The following ACTN2 variants were observed in gnomAD, a reference collection of about 807,000 sequenced individuals.
ACTN2 encodes the protein alpha-actinin-2.
Under a neutral mutation model 113.8 loss-of-function variants are expected in ACTN2, and 39 were observed. That is an observed-to-expected ratio of 0.34 (90% CI 0.27 to 0.45). ACTN2 has a LOEUF of 0.45. ACTN2 is among the 20% of genes least tolerant of loss of function. ACTN2 has a pLI of 1.00. For missense variants in ACTN2, 992 were observed against 1,177.9 expected (o/e 0.84, Z 2.31); for synonymous variants, 429 against 444.1 (o/e 0.97, Z 0.43).
At chr1:236,706,356 C>T (rs1657824481) in intron 1 of ACTN2, among the ~76,000 whole-genome samples, 1 of 152,140 alleles carries the variant, frequency 6.6e-6, no homozygotes, top group South Asian at 2.1e-4. Context: ...GTTCTGGGCA[C>T]TGTCCAGAGC....
At chr1:236,708,587 C>T (rs761300237) in intron 1 of ACTN2, among the ~76,000 whole-genome samples, 37 of 152,116 alleles carry the variant, frequency 2.4e-4, no homozygotes, top group Admixed American at 1.6e-3. Context: ...TTTTTCAAGA[C>T]GGTTGAGTGT....
At chr1:236,709,255 T>TATATATATATACACAC (rs796606511) in intron 1 of ACTN2, among the ~76,000 whole-genome samples, 74 of 68,884 alleles carry the variant, frequency 1.1e-3, no homozygotes, top group African/African-American at 1.3e-3. Context: ...TATATATATA[T>TATATATATATACACAC]ACACACACAC....
chr1:236,709,906 G>T (rs2102881645), intron 1 of ACTN2, among the ~76,000 whole-genome samples: 1 of 152,200 alleles, frequency 6.6e-6, no homozygotes, highest in South Asian at 2.1e-4. Context: ...TATTATTAAA[G>T]AAAAAGCTAG....
intron 1 of ACTN2, among the ~76,000 whole-genome samples, chr1:236,701,993 C>A (rs1657691778): frequency 6.6e-6 from 1 of 152,132 alleles, no homozygotes; most frequent in African/African-American, 2.4e-5. Context: ...AGTTCTATTG[C>A]TGTAACTGGT....
intron 1 of ACTN2, among the ~76,000 whole-genome samples, chr1:236,704,279 T>C (rs1027496169): frequency 3.3e-5 from 5 of 152,226 alleles, no homozygotes; most frequent in African/African-American, 1.2e-4. Flanking sequence ...GTGTTTTCTC[T>C]TCTCACACCA....
chr1:236,692,984 A>C (rs1215290899), intron 1 of ACTN2, among the ~76,000 whole-genome samples: 1 of 152,188 alleles, frequency 6.6e-6, no homozygotes, highest in Non-Finnish European at 1.5e-5. Context: ...GTTGGAGGAC[A>C]GTCAGAATCC....
At chr1:236,753,846 T>TCCCCCC in intron 15 of ACTN2, 101 bp from the exon 16 acceptor site, 1 of 1,303,056 alleles carries the variant, frequency 7.7e-7, no homozygotes, top group South Asian at 1.2e-5. Flanking sequence ...TTTCTCCTTC[T>TCCCCCC]CCACTCCCAC....
chr1:236,749,368 A>C, intron 14 of ACTN2, 104 bp downstream of exon 14: 1 of 1,496,484 alleles, frequency 6.7e-7, no homozygotes, highest in Non-Finnish European at 9.1e-7. Context: ...TTTAAAAAAA[A>C]ATTAACAAAT....
At position 236,751,266 on chromosome 1, in the gene ACTN2, G is replaced by A. The variant is rs115709068; in HGVS notation, c.1657-204G>A. Among the ~76,000 whole-genome samples the A allele has an allele frequency of 5.2e-3, 795 of 152,184 alleles. 9 individuals carry two copies. Among genetic ancestry groups the A allele is most frequent in the African/African-American group, 0.018 (757 of 41,486 alleles). On this transcript the variant is annotated intron_variant, in intron 14 of 20. Coordinates refer to ENST00000366578, the MANE Select transcript of ACTN2 (RefSeq NM_001103.4). ...TGAATAGCCACCAATATTATTAATAGTCATCATGACATCCTTTTTCCATTT... is the reference window on the plus strand; with the variant it reads ...TGAATAGCCACCAATATTATTAATAATCATCATGACATCCTTTTTCCATTT...
chr1:236,757,361 G>A (rs1659579613), intron 17 of ACTN2, 125 bp from the exon 18 acceptor site: 1 of 1,239,590 alleles, frequency 8.1e-7, no homozygotes, highest in Non-Finnish European at 1.2e-6. Flanking sequence ...TTCAAGTGTG[G>A]GGAAGGCTAT....
chr1:236,736,112 TC>T (rs1426998540), intron 8 of ACTN2, among the ~76,000 whole-genome samples: 1 of 152,226 alleles, frequency 6.6e-6, no homozygotes, highest in Non-Finnish European at 1.5e-5. Flanking sequence ...CCTTCACAGT[TC>T]CGTGATTTGG....
intron 18 of ACTN2, among the ~76,000 whole-genome samples, chr1:236,758,721 G>A (rs973135102): frequency 6.6e-6 from 1 of 151,718 alleles, no homozygotes; most frequent in Non-Finnish European, 1.5e-5. Context: ...CCAGGTTCAA[G>A]CGATTATCCT....
chr1:236,763,086 G>T lies in ACTN2; in HGVS notation c.*467G>T. 1 of 180,060 alleles carries T rather than the reference G, an allele frequency of 5.6e-6. No homozygotes were observed. The highest frequency in any genetic ancestry group is 1.1e-4 in the South Asian group (1 of 8,990). The allele number at this position is 180,060 out of a possible 1,614,324, so 11.2% of individuals were successfully genotyped here. A position where few individuals can be genotyped will look rare whatever the true frequency, so the allele number is the denominator to read the frequency against. ...GATTGCCCCTAGGGGAGTATATTTG[G>T]GATTCTAATGTTTTATTTTCATGCT... On this transcript the variant is annotated 3_prime_UTR_variant, in exon 21 of 21. Transcript: ENST00000366578.
At chr1:236,750,073 C>T (rs1053979525) in intron 14 of ACTN2, among the ~76,000 whole-genome samples, 3 of 152,016 alleles carry the variant, frequency 2.0e-5, no homozygotes, top group African/African-American at 7.2e-5. Context: ...TCTGGAACTT[C>T]AGAACTATAA....
intron 20 of ACTN2, among the ~76,000 whole-genome samples, chr1:236,761,432 C>T (rs1038355876): frequency 2.0e-5 from 3 of 150,426 alleles, no homozygotes; most frequent in African/African-American, 7.3e-5. Context: ...TTTGTACTTG[C>T]GTGTGTGTGT....
At chr1:236,727,561 G>C in intron 5 of ACTN2, 117 bp from the exon 6 acceptor site, 1 of 1,018,602 alleles carries the variant, frequency 9.8e-7, no homozygotes, top group Non-Finnish European at 1.5e-6. Flanking sequence ...AAGCTACATG[G>C]GGCCCTCCGT....
chr1:236,694,501 G>A (rs573009157), intron 1 of ACTN2, among the ~76,000 whole-genome samples: 2 of 152,138 alleles, frequency 1.3e-5, no homozygotes, highest in African/African-American at 4.8e-5. Flanking sequence ...GGGATTACAG[G>A]TGTGAGCCAC....
chr1:236,713,352 C>T (rs536852920), intron 1 of ACTN2, among the ~76,000 whole-genome samples: 6 of 152,046 alleles, frequency 3.9e-5, no homozygotes, highest in African/African-American at 1.2e-4. Flanking sequence ...CTCAGCCTCC[C>T]GAGTAGCTGG....
rs1353997401 is a variant in ACTN2, at chr1:236,755,188, A to G, written c.2144A>G (p.Tyr715Cys). The change falls in exon 17 of 21, where the codon TAC (tyrosine) becomes TGC (cysteine). Residue 715 changes from tyrosine to cysteine, a missense_variant. Coordinates refer to ENST00000366578, the MANE Select transcript of ACTN2 (RefSeq NM_001103.4). ...GTCTTTGACAACAAGCACACGAACT[A>G]CACGATGGAGGTACGGCAGCCAGAC... Reference protein sequence around the residue: ...ALVFDNKHTNYTMEHIRVGWE... With the variant: ...ALVFDNKHTNCTMEHIRVGWE... 1.2e-6 allele frequency: 2 copies of G among 1,614,158 alleles called. No individual in the cohort carries two copies. The highest frequency in any genetic ancestry group is 1.1e-5 in the South Asian group (1 of 91,074).
Sources: allele counts gnomAD v4.1 joint callset (sites outside exome capture counted in the v4.1 genomes callset), GRCh38; gene constraint gnomAD v4.1.1; transcripts MANE v1.5; gene names NCBI Gene and HGNC (gene_info 2026-07-23, HGNC 2026-07-21).